Variants in HYAL4 observed in about 807,000 individuals in gnomAD.
HYAL4 encodes hyaluronidase 4, also known as hyaluronidase-4.
A neutral mutation model predicts 35.2 loss-of-function variants in HYAL4; 37 were observed. The observed-to-expected ratio is 1.05, with a 90% CI of 0.81 to 1.38. The LOEUF (loss-of-function observed/expected upper bound fraction) is 1.38. Ranked by LOEUF, HYAL4 falls within the 40% of genes most tolerant of loss-of-function variation. The pLI, the probability that HYAL4 is intolerant of heterozygous loss-of-function variation, is 0.00. For missense variants in HYAL4, 572 were observed against 572.4 expected (o/e 1.00, Z 0.01); for synonymous variants, 198 against 203.2 (o/e 0.97, Z 0.22).
At chr7:123,783,661 A>G in the HYAL4 span, among the ~76,000 whole-genome samples, 1 of 152,206 alleles carries the variant, frequency 6.6e-6, no homozygotes, top group African/African-American at 2.4e-5. Flanking sequence ...CCCATGTTCC[A>G]TGCTGCTGGG....
chr7:123,812,155 T>A, the HYAL4 span, among the ~76,000 whole-genome samples: 1 of 152,134 alleles, frequency 6.6e-6, no homozygotes, highest in African/African-American at 2.4e-5. Flanking sequence ...CTATACCTTT[T>A]TACAATGTGT....
At chr7:123,849,780 T>C (rs1319854722) in intron 2 of HYAL4, among the ~76,000 whole-genome samples, 1 of 152,086 alleles carries the variant, frequency 6.6e-6, no homozygotes, top group Non-Finnish European at 1.5e-5. Context: ...GGCAGGAGAA[T>C]TGCTTGAACA....
the HYAL4 span, among the ~76,000 whole-genome samples, chr7:123,798,615 GACAGAA>G: frequency 6.6e-6 from 1 of 152,190 alleles, no homozygotes; most frequent in Non-Finnish European, 1.5e-5. Flanking sequence ...TCACGGGGCT[GACAGAA>G]ACAGATCAAA....
At chr7:123,764,988 A>T in the HYAL4 span, among the ~76,000 whole-genome samples, 1 of 152,256 alleles carries the variant, frequency 6.6e-6, no homozygotes, top group African/African-American at 2.4e-5. Context: ...GCCCAGCAAT[A>T]ACATATTATA....
chr7:123,859,747 T>C (rs1161815945), intron 2 of HYAL4, among the ~76,000 whole-genome samples: 2 of 152,214 alleles, frequency 1.3e-5, no homozygotes, highest in Admixed American at 6.5e-5. Flanking sequence ...TCTTCTCTTA[T>C]ATATCCAAAG....
At chr7:123,863,422 G>A (rs1182325308) in intron 2 of HYAL4, among the ~76,000 whole-genome samples, 1 of 152,178 alleles carries the variant, frequency 6.6e-6, no homozygotes, top group Non-Finnish European at 1.5e-5. Context: ...TTGTGGGAAG[G>A]GAGGGTGCAC....
the HYAL4 span, among the ~76,000 whole-genome samples, chr7:123,776,255 A>T: frequency 6.6e-6 from 1 of 152,128 alleles, no homozygotes; most frequent in South Asian, 2.1e-4. Flanking sequence ...GATTGGGATG[A>T]AGACTTTCTG....
intron 1 of HYAL4, among the ~76,000 whole-genome samples, chr7:123,832,699 C>T (rs1205328441): frequency 6.6e-6 from 1 of 151,602 alleles, no homozygotes; most frequent in Non-Finnish European, 1.5e-5. Context: ...GACGGGGTTT[C>T]ACTGTGTTAG....
At chr7:123,818,157 G>A in the HYAL4 span, among the ~76,000 whole-genome samples, 8 of 152,320 alleles carry the variant, frequency 5.3e-5, no homozygotes, top group African/African-American at 1.2e-4. Flanking sequence ...GATTACAGGC[G>A]TGAGCCACTG....
At chr7:123,842,848 T>C (rs747628053), upstream of HYAL4, among the ~76,000 whole-genome samples, 25 of 151,972 alleles carry the variant, frequency 1.6e-4, 1 homozygote, top group Non-Finnish European at 2.5e-4. Flanking sequence ...TTCCTTTTGC[T>C]TGGTAGATCC....
intron 4 of HYAL4, 90 bp from the exon 5 acceptor site, chr7:123,876,664 T>A: frequency 7.6e-7 from 1 of 1,308,916 alleles, no homozygotes; most frequent in Non-Finnish European, 1.1e-6. Flanking sequence ...TCTAATTCTA[T>A]CAGTACCAGC....
chr7:123,778,155 GTCTGTCTATCTATCTA>G, the HYAL4 span, among the ~76,000 whole-genome samples: 480 of 132,730 alleles, frequency 3.6e-3, 2 homozygotes, highest in African/African-American at 0.014. Context: ...CTATCTGTCT[GTCTGTCTATCTATCTA>G]TCTATCTATC....
At chr7:123,853,629 C>T (rs1415863264) in intron 2 of HYAL4, among the ~76,000 whole-genome samples, 2 of 152,104 alleles carry the variant, frequency 1.3e-5, no homozygotes, top group Non-Finnish European at 2.9e-5. Context: ...TTCAGTTTGC[C>T]AGTATTTTAT....
At chr7:123,793,058 A>G in the HYAL4 span, among the ~76,000 whole-genome samples, 12 of 152,134 alleles carry the variant, frequency 7.9e-5, no homozygotes, top group Non-Finnish European at 1.2e-4. Context: ...TTCTACAGCT[A>G]TCCTAAGACC....
intron 1 of HYAL4, among the ~76,000 whole-genome samples, chr7:123,835,476 T>C (rs530581549): frequency 2.0e-5 from 3 of 152,308 alleles, no homozygotes; most frequent in Admixed American, 2.0e-4. Context: ...CTGTATTCTT[T>C]TCTCGATAAT....
chr7:123,791,466 C>T, the HYAL4 span, among the ~76,000 whole-genome samples: 1 of 152,154 alleles, frequency 6.6e-6, no homozygotes, highest in East Asian at 1.9e-4. Flanking sequence ...ATCTCCAAAT[C>T]ATAACTTATC....
the HYAL4 span, among the ~76,000 whole-genome samples, chr7:123,812,825 G>A: frequency 6.6e-6 from 1 of 152,028 alleles, no homozygotes; most frequent in Admixed American, 6.6e-5. Flanking sequence ...ATATTTTTGT[G>A]GGGGAGTGGG....
At chr7:123,786,700 G>C in the HYAL4 span, among the ~76,000 whole-genome samples, 1 of 148,368 alleles carries the variant, frequency 6.7e-6, no homozygotes, top group Non-Finnish European at 1.5e-5. Flanking sequence ...CTCTATTTTG[G>C]TATGTATCAC....
chr7:123,839,376 C>T (rs893946979), intron 1 of HYAL4, among the ~76,000 whole-genome samples: 37 of 152,170 alleles, frequency 2.4e-4, no homozygotes, highest in African/African-American at 8.7e-4. Context: ...TTTCTTTATC[C>T]AGTCTATCAT....
Sources: gnomAD v4.1 joint callset for allele counts (sites outside exome capture counted in the v4.1 genomes callset) on GRCh38, gnomAD v4.1.1 for gene constraint, MANE v1.5 for transcripts, NCBI Gene and HGNC (gene_info 2026-07-23, HGNC 2026-07-21) for gene names.